Variants in GNG2 observed in about 807,000 individuals in gnomAD.
The protein encoded by GNG2 is G protein subunit gamma 2, also known as guanine nucleotide-binding protein G(I)/G(S)/G(O) subunit gamma-2.
A neutral mutation model predicts 5.5 loss-of-function variants in GNG2; 5 were observed. The observed-to-expected ratio is 0.91, with a 90% CI of 0.48 to 1.92. GNG2 has a LOEUF of 1.92. GNG2 is among the 30% of genes most tolerant of loss of function. GNG2 has a pLI of 0.01. For missense variants in GNG2, 55 were observed against 88.4 expected (o/e 0.62, Z 1.52); for synonymous variants, 28 against 32.0 (o/e 0.88, Z 0.42).
At chr14:51,835,542 C>T (rs1448861158) in intron 2 of GNG2, among the ~76,000 whole-genome samples, 1 of 152,176 alleles carries the variant, frequency 6.6e-6, no homozygotes, top group Non-Finnish European at 1.5e-5. Context: ...TTGAGATATG[C>T]TGACCCAGCA....
chr14:51,930,879 ACT>A (rs1887619142), intron 2 of GNG2, among the ~76,000 whole-genome samples: 1 of 151,938 alleles, frequency 6.6e-6, no homozygotes, highest in South Asian at 2.1e-4. Flanking sequence ...GAGGCCCCAC[ACT>A]CTTTTAAACA....
At chr14:51,900,921 T>C (rs1359667660) in intron 2 of GNG2, among the ~76,000 whole-genome samples, 2 of 152,196 alleles carry the variant, frequency 1.3e-5, no homozygotes, top group East Asian at 3.9e-4. Flanking sequence ...ATTCAGTCTA[T>C]GCATGCAAAG....
intron 2 of GNG2, chr14:51,916,210 G>T: frequency 3.9e-6 from 1 of 253,650 alleles, no homozygotes; most frequent in South Asian, 3.9e-5. Flanking sequence ...TTGAGTGGTA[G>T]CTGATAGTGT....
chr14:51,861,784 G>A (rs7145255), intron 1 of GNG2, among the ~76,000 whole-genome samples: 137,226 of 152,262 alleles, frequency 0.9, 61,901 homozygotes, highest in East Asian at 1. Flanking sequence ...GATATATTAG[G>A]GAGTTTAATA....
chr14:51,831,875 A>G (rs950567088), intron 2 of GNG2, among the ~76,000 whole-genome samples: 2 of 152,232 alleles, frequency 1.3e-5, no homozygotes, highest in Admixed American at 1.3e-4. Flanking sequence ...ATGCAGCATA[A>G]TTCCTAAAGA....
intron 3 of GNG2, among the ~76,000 whole-genome samples, chr14:51,952,393 ACT>A (rs1889032014): frequency 6.6e-6 from 1 of 151,650 alleles, no homozygotes; most frequent in Non-Finnish European, 1.5e-5. Context: ...CTTCTTTTTC[ACT>A]CTCTTGCTGA....
chr14:51,869,000 A>G (rs1382281616), intron 1 of GNG2, among the ~76,000 whole-genome samples: 1 of 152,240 alleles, frequency 6.6e-6, no homozygotes, highest in Non-Finnish European at 1.5e-5. Context: ...TTGAATAAAG[A>G]GGAGAAAGCA....
At chr14:51,962,065 AC>A (rs1889645525) in intron 3 of GNG2, among the ~76,000 whole-genome samples, 1 of 152,186 alleles carries the variant, frequency 6.6e-6, no homozygotes, top group Non-Finnish European at 1.5e-5. Flanking sequence ...AGATAATTAA[AC>A]ATTTTTGTGC....
At chr14:51,893,067 T>C (rs1884967001) in intron 2 of GNG2, among the ~76,000 whole-genome samples, 1 of 152,232 alleles carries the variant, frequency 6.6e-6, no homozygotes, top group Non-Finnish European at 1.5e-5. Flanking sequence ...TCTTCCTTGG[T>C]TGTGGTTGTG....
intron 1 of GNG2, among the ~76,000 whole-genome samples, chr14:51,872,978 C>T (rs1883412541): frequency 6.6e-6 from 1 of 152,092 alleles, no homozygotes. Flanking sequence ...CTGATTATTT[C>T]ATTTGGGTCT....
In GNG2 at chr14:51,930,843, A is replaced by G. The variant is rs549286638; in HGVS notation, c.-29-19807A>G. Among the ~76,000 whole-genome samples, 10 of 152,090 alleles carry G rather than the reference A, an allele frequency of 6.6e-5. No individual in the cohort carries two copies. The East Asian group carries it at 1.9e-3, about 29-fold the overall frequency. On this transcript the variant is annotated intron_variant, in intron 2 of 3. Transcript: ENST00000556766. ...CAGGCCCATCAGAGAGAGAGAGAGA[A>G]AGAGGAGAAGAGAGAAGACAGAGAG...
intron 2 of GNG2, among the ~76,000 whole-genome samples, chr14:51,918,979 C>A (rs1886833506): frequency 6.6e-6 from 1 of 152,174 alleles, no homozygotes; most frequent in African/African-American, 2.4e-5. Context: ...GCATGTGCCA[C>A]CACGCCAGGC....
chr14:51,828,974 T>G (rs1881108942), intron 2 of GNG2, among the ~76,000 whole-genome samples: 1 of 152,216 alleles, frequency 6.6e-6, no homozygotes, highest in African/African-American at 2.4e-5. Flanking sequence ...AACCCTCTTG[T>G]CACCATTCTT....
chr14:51,947,894 GT>G (rs1261333763), intron 2 of GNG2, among the ~76,000 whole-genome samples: 1 of 152,174 alleles, frequency 6.6e-6, no homozygotes, highest in Non-Finnish European at 1.5e-5. Context: ...CTCAATAATG[GT>G]GGCATCAATA....
chr14:51,918,585 T>C (rs925805310), intron 2 of GNG2: 1 of 152,174 alleles, frequency 6.6e-6, no homozygotes, highest in African/African-American at 2.4e-5. Context: ...TAATTAATGC[T>C]GTGAAAATAA....
chr14:51,883,466 A>G (rs1486732582), intron 2 of GNG2, among the ~76,000 whole-genome samples: 3 of 152,214 alleles, frequency 2.0e-5, no homozygotes, highest in Non-Finnish European at 4.4e-5. Flanking sequence ...TATGCTTCCT[A>G]GAAGCCCAGC....
chr14:51,834,987 T>C (rs1464577850), intron 2 of GNG2, among the ~76,000 whole-genome samples: 1 of 152,164 alleles, frequency 6.6e-6, no homozygotes, highest in Admixed American at 6.5e-5. Context: ...GCTCTAAAAG[T>C]CAGCAGAGTC....
intron 3 of GNG2, among the ~76,000 whole-genome samples, chr14:51,955,904 T>C (rs1436022850): frequency 6.6e-6 from 1 of 152,194 alleles, no homozygotes; most frequent in Non-Finnish European, 1.5e-5. Context: ...AAGTCATCTT[T>C]ATGATGATTA....
intron 2 of GNG2, among the ~76,000 whole-genome samples, chr14:51,934,285 G>A (rs1220632679): frequency 6.6e-6 from 1 of 152,184 alleles, no homozygotes; most frequent in Non-Finnish European, 1.5e-5. Flanking sequence ...GATCCTGAAA[G>A]CCAGGAAATG....
Sources: allele counts gnomAD v4.1 joint callset (sites outside exome capture counted in the v4.1 genomes callset), GRCh38; gene constraint gnomAD v4.1.1; transcripts MANE v1.5; gene names NCBI Gene and HGNC (gene_info 2026-07-23, HGNC 2026-07-21).